Variants in RASSF8 observed in about 807,000 individuals in gnomAD.
RASSF8 encodes the protein Ras association domain family member 8.
In RASSF8, 22 loss-of-function variants were observed where a neutral mutation model predicts 48.5. The ratio of observed to expected loss-of-function variants is 0.45; its 90% CI spans 0.32 to 0.65. RASSF8 has a LOEUF of 0.65. Ranked by LOEUF, RASSF8 falls within the 30% of genes least tolerant of loss-of-function variation. The pLI, the probability that RASSF8 is intolerant of heterozygous loss-of-function variation, is 0.03. For missense variants in RASSF8, 418 were observed against 489.2 expected, an observed-to-expected ratio of 0.85 and a Z score of 1.37; for synonymous variants, 127 against 171.5, an observed-to-expected ratio of 0.74 and a Z score of 2.03.
At position 26,055,216 on chromosome 12, in the gene RASSF8, G is replaced by T; in HGVS notation, c.-108-20G>T. 1 of 698,730 alleles carries T rather than the reference G, an allele frequency of 1.4e-6. No individual in the cohort carries two copies. Among genetic ancestry groups the T allele is most frequent in the Non-Finnish European group, 2.6e-6 (1 of 386,046 alleles). The allele number at this position is 698,730 out of a possible 1,614,324, so 43.3% of individuals were successfully genotyped here. A position where few individuals can be genotyped will look rare whatever the true frequency, so the allele number is the denominator to read the frequency against. ...AATGTTGATTCATTTTATTACAAGTGATTTTTTGCCCTTTTTTAGCTGACT... is the reference window on the plus strand; with the variant it reads ...AATGTTGATTCATTTTATTACAAGTTATTTTTTGCCCTTTTTTAGCTGACT... On this transcript the variant is annotated intron_variant, in intron 2 of 5. Transcript: ENST00000689635.
chr12:26,072,224 A>G lies in RASSF8; in HGVS notation c.*3406A>G. 1 of 971,014 alleles carries G rather than the reference A, an allele frequency of 1.0e-6. No homozygotes were observed. The highest frequency in any genetic ancestry group is 6.2e-5 in the Admixed American group (1 of 16,242). 60.1% of individuals were successfully genotyped at this position (971,014 alleles called of 1,614,324 possible). ...GTGTTAAAATTAGCTTATAATTATT[A>G]CTTTTGTATTGTGTTCAGTTTTTTA... On this transcript the variant is annotated 3_prime_UTR_variant, in exon 6 of 6. Coordinates refer to ENST00000689635, the MANE Select transcript of RASSF8 (RefSeq NM_001394098.1).
At chr12:26,054,604 G>A (rs1943561975) in intron 2 of RASSF8, among the ~76,000 whole-genome samples, 1 of 152,130 alleles carries the variant, frequency 6.6e-6, no homozygotes, top group Admixed American at 6.5e-5. Flanking sequence ...TCAGCGGGAA[G>A]ACACTCTTTG....
At chr12:26,079,776 G>A (rs1315692645) in exon 6 of RASSF8, 1 of 152,076 alleles carries the variant, frequency 6.6e-6, no homozygotes, top group African/African-American at 2.4e-5. Flanking sequence ...GTGTCAGCAA[G>A]GGTCTGGAGA....
At chr12:25,991,539 C>T (rs763425984) in intron 1 of RASSF8, among the ~76,000 whole-genome samples, 11 of 151,992 alleles carry the variant, frequency 7.2e-5, no homozygotes, top group Admixed American at 2.0e-4. Context: ...CCATTTTGTA[C>T]GTAGTCTACA....
upstream of RASSF8, chr12:25,958,564 G>C (rs1412347902): frequency 6.7e-6 from 1 of 148,352 alleles, no homozygotes; most frequent in Non-Finnish European, 1.5e-5. Context: ...CCCGGCCGAG[G>C]GGGGCGCCCC....
downstream of RASSF8, among the ~76,000 whole-genome samples, chr12:26,077,310 GGTATTTTAGTCATGAACTCC>G (rs1203214596): frequency 6.6e-6 from 1 of 152,118 alleles, no homozygotes. Flanking sequence ...CATTGCTTTT[GGTATTTTAGTCATGAACTCC>G]TTGCCCATGC....
intron 1 of RASSF8, among the ~76,000 whole-genome samples, chr12:25,963,618 G>C (rs1941289535): frequency 6.6e-6 from 1 of 152,072 alleles, no homozygotes. Flanking sequence ...TGAGTGTGTG[G>C]GGGCACTTTG....
At chr12:26,061,219 A>G (rs1943734884) in intron 3 of RASSF8, among the ~76,000 whole-genome samples, 1 of 152,154 alleles carries the variant, frequency 6.6e-6, no homozygotes, top group Non-Finnish European at 1.5e-5. Flanking sequence ...CAGGGCATAA[A>G]TTTCTGAGTG....
At chr12:25,966,154 A>G (rs542901992) in intron 1 of RASSF8, among the ~76,000 whole-genome samples, 1 of 152,364 alleles carries the variant, frequency 6.6e-6, no homozygotes, top group African/African-American at 2.4e-5. Flanking sequence ...CTTAACCACC[A>G]GCAGGTAAAC....
At chr12:26,011,458 C>T (rs1565617408) in intron 2 of RASSF8, among the ~76,000 whole-genome samples, 1 of 152,280 alleles carries the variant, frequency 6.6e-6, no homozygotes, top group East Asian at 1.9e-4. Flanking sequence ...TCCTCCCTGC[C>T]TGCAGTCCCA....
At chr12:26,041,769 A>T (rs1403437766) in intron 2 of RASSF8, among the ~76,000 whole-genome samples, 1 of 152,222 alleles carries the variant, frequency 6.6e-6, no homozygotes, top group Non-Finnish European at 1.5e-5. Context: ...TTTGTATAAT[A>T]ATGCTAAGGA....
At position 25,999,213 on chromosome 12, in the gene RASSF8, A is replaced by G. The variant is rs190038766; in HGVS notation, c.-109+4083A>G. 3.4e-3 allele frequency among the ~76,000 whole-genome samples: 517 copies of G among 152,356 alleles called. 6 individuals are homozygous for G. Among genetic ancestry groups the G allele is most frequent in the African/African-American group, 0.012 (480 of 41,574 alleles). On this transcript the variant is annotated intron_variant, in intron 2 of 5. Coordinates refer to ENST00000689635, the MANE Select transcript of RASSF8 (RefSeq NM_001394098.1). ...ATCAGGTTAACCTTTAGAGGGCTCA[A>G]TAATTTCAAACCCAAATTAGTTTCC...
At chr12:25,998,930 G>T (rs1408096103) in intron 2 of RASSF8, among the ~76,000 whole-genome samples, 1 of 152,102 alleles carries the variant, frequency 6.6e-6, no homozygotes, top group Non-Finnish European at 1.5e-5. Context: ...AATGTTTAGA[G>T]ATATTTACTG....
downstream of RASSF8, among the ~76,000 whole-genome samples, chr12:26,073,565 C>T (rs542554089): frequency 2.6e-5 from 4 of 152,122 alleles, no homozygotes; most frequent in South Asian, 2.1e-4. Context: ...GGCGAAACCC[C>T]GTCTGTACGA....
chr12:26,054,865 C>T (rs1301711965), intron 2 of RASSF8, among the ~76,000 whole-genome samples: 1 of 151,894 alleles, frequency 6.6e-6, no homozygotes, highest in Non-Finnish European at 1.5e-5. Flanking sequence ...ATTGATAATT[C>T]CTAAAATGAC....
At position 25,983,673 on chromosome 12, in the gene RASSF8, A is replaced by C. The variant is rs139930677; in HGVS notation, c.-202-11364A>C. Among the ~76,000 whole-genome samples the C allele has an allele frequency of 2.1e-3, 314 of 152,320 alleles. 1 individual carries two copies. The highest frequency in any genetic ancestry group is 7.0e-3 in the African/African-American group (293 of 41,586). ...CCAGCACATGTCCAGCATAGTTCAG[A>C]GCACTTTGTGTGGTACCAAAAAAAG... On this transcript the variant is annotated intron_variant, in intron 1 of 5. Transcript: ENST00000689635.
intron 1 of RASSF8, among the ~76,000 whole-genome samples, chr12:25,981,090 C>T (rs1028639391): frequency 3.3e-5 from 5 of 152,110 alleles, no homozygotes; most frequent in Admixed American, 6.6e-5. Flanking sequence ...TTGGTCCTGG[C>T]TCACTCCTGT....
chr12:25,960,560 TGAA>T (rs1390435543), intron 1 of RASSF8, among the ~76,000 whole-genome samples: 2 of 152,232 alleles, frequency 1.3e-5, no homozygotes, highest in Non-Finnish European at 2.9e-5. Flanking sequence ...ATCCCCCACT[TGAA>T]GAAGACTGAA....
At chr12:26,036,935 A>G (rs1418425862) in intron 2 of RASSF8, among the ~76,000 whole-genome samples, 3 of 151,854 alleles carry the variant, frequency 2.0e-5, no homozygotes, top group African/African-American at 7.3e-5. Context: ...AAAAAAAAAC[A>G]AAAAACTGTA....
Sources: allele counts gnomAD v4.1 joint callset (sites outside exome capture counted in the v4.1 genomes callset), GRCh38; gene constraint gnomAD v4.1.1; transcripts MANE v1.5; gene names NCBI Gene and HGNC (gene_info 2026-07-23, HGNC 2026-07-21).